The following NFATC3 variants were observed in gnomAD, a reference collection of about 807,000 sequenced individuals.
NFATC3 encodes the protein nuclear factor of activated T cells 3, also known as nuclear factor of activated T-cells, cytoplasmic 3.
A neutral mutation model predicts 98.6 loss-of-function variants in NFATC3; 46 were observed. The ratio of observed to expected loss-of-function variants is 0.47; its 90% CI spans 0.37 to 0.60. The LOEUF (loss-of-function observed/expected upper bound fraction) is 0.60. Among genes scored for constraint, NFATC3 ranks in the 20% least tolerant of loss-of-function variants. The probability of loss-of-function intolerance (pLI) is 0.00; values close to 1 mark genes in which losing one functional copy is unlikely to be tolerated. For missense variants in NFATC3, 1,256 were observed against 1,295.5 expected (o/e 0.97, Z 0.47); for synonymous variants, 512 against 472.2 (o/e 1.08, Z -1.09).
intron 3 of NFATC3, among the ~76,000 whole-genome samples, chr16:68,141,768 T>C (rs371805830): frequency 6.6e-6 from 1 of 152,186 alleles, no homozygotes; most frequent in Admixed American, 6.5e-5. Context: ...GTTGTCTGTT[T>C]ATTGCGATGA....
intron 9 of NFATC3, among the ~76,000 whole-genome samples, chr16:68,220,572 A>G (rs1384699581): frequency 6.6e-6 from 1 of 151,248 alleles, no homozygotes; most frequent in African/African-American, 2.4e-5. Context: ...TCACATACTT[A>G]GTGGACTAGA....
chr16:68,167,378 G>A (rs1037006869), intron 5 of NFATC3, among the ~76,000 whole-genome samples: 4 of 152,210 alleles, frequency 2.6e-5, no homozygotes, highest in African/African-American at 9.6e-5. Context: ...TCATTAAAAT[G>A]TCAGCCTTCA....
chr16:68,126,602 G>A lies in NFATC3; in HGVS notation c.1393G>A (p.Val465Ile), dbSNP rs757513479. The change falls in exon 3 of 10, where the codon GTT becomes ATT. Residue 465 changes from valine to isoleucine, a missense_variant. Val to Ile is a conservative substitution (Grantham distance 29, BLOSUM62 3). Transcript: ENST00000346183. The part of the protein sequence containing the change: ...AVKASTGGHP[V>I]VKLLGYNEKP... ...AAAAGCATCTACTGGGGGACATCCTGTTGTGAAGGTATGAGACTTTTGGGG... is the reference window on the plus strand; with the variant it reads ...AAAAGCATCTACTGGGGGACATCCTATTGTGAAGGTATGAGACTTTTGGGG... 31 of 1,614,108 alleles carry A rather than the reference G, an allele frequency of 1.9e-5. No individual in the cohort carries two copies. The highest frequency in any genetic ancestry group is 2.6e-5 in the Non-Finnish European group (31 of 1,179,974).
At position 68,174,529 on chromosome 16, in the gene NFATC3, A is replaced by G; in HGVS notation, c.1915+15A>G. On this transcript the variant is annotated intron_variant, in intron 6 of 9. Coordinates refer to ENST00000346183, the MANE Select transcript of NFATC3 (RefSeq NM_173165.3). Reference sequence around the variant, plus strand: ...AAAAGGACAAGGTAAGTAATATATGAGTTGATTGACTTCAAACTAAGGGGC... The same window carrying G: ...AAAAGGACAAGGTAAGTAATATATGGGTTGATTGACTTCAAACTAAGGGGC... 1 of 1,551,464 alleles carries G rather than the reference A, an allele frequency of 6.4e-7. No individual in the cohort carries two copies. The highest frequency in any genetic ancestry group is 2.0e-5 in the Admixed American group (1 of 50,260).
At chr16:68,220,629 C>T (rs77720783) in intron 9 of NFATC3, among the ~76,000 whole-genome samples, 21 of 148,324 alleles carry the variant, frequency 1.4e-4, no homozygotes, top group African/African-American at 5.0e-4. Context: ...TTGTCCCGGC[C>T]GGGCAGGGTG....
chr16:68,100,590 A>G (rs2035290679), intron 1 of NFATC3, among the ~76,000 whole-genome samples: 1 of 151,708 alleles, frequency 6.6e-6, no homozygotes, highest in South Asian at 2.1e-4. Flanking sequence ...AAAACAAAAC[A>G]AACAAAAAAA....
At chr16:68,198,507 G>C (rs905512212) in intron 9 of NFATC3, among the ~76,000 whole-genome samples, 2 of 152,154 alleles carry the variant, frequency 1.3e-5, no homozygotes, top group Non-Finnish European at 1.5e-5. Context: ...CAAGTTTCTA[G>C]TCAGTGTGTT....
rs1020440952 is a variant in NFATC3 at position 68,199,298 on chromosome 16, A to T, written c.3106+7523A>T. 5.5e-5 allele frequency among the ~76,000 whole-genome samples: 8 copies of T among 144,746 alleles called. No homozygotes were observed. In the Admixed American group the frequency reaches 5.6e-4, roughly 10 times the overall value. 95.0% of individuals were successfully genotyped at this position (144,746 alleles called of 152,430 possible). ...GAGTGCAGTGGCGCGATCTTGGCTC[A>T]CTGCAAGCTCCGCCTCCCGGGTTCA... On this transcript the variant is annotated intron_variant, in intron 9 of 9. Transcript: ENST00000346183.
At chr16:68,225,167 G>C (rs1188597401) in intron 9 of NFATC3, 1 of 151,958 alleles carries the variant, frequency 6.6e-6, no homozygotes, top group Non-Finnish European at 1.5e-5. Flanking sequence ...GGTCAGGCTG[G>C]TCTCAAACTC....
At chr16:68,105,385 G>C (rs1361854478) in intron 1 of NFATC3, among the ~76,000 whole-genome samples, 1 of 152,040 alleles carries the variant, frequency 6.6e-6, no homozygotes, top group Admixed American at 6.6e-5. Flanking sequence ...CCCGGCCCCT[G>C]ATTGTGTGGA....
chr16:68,169,786 C>G (rs971989950), intron 5 of NFATC3, among the ~76,000 whole-genome samples: 2 of 151,878 alleles, frequency 1.3e-5, no homozygotes, highest in Non-Finnish European at 2.9e-5. Flanking sequence ...GCGAAAAATA[C>G]AAAAATTAGC....
intron 1 of NFATC3, among the ~76,000 whole-genome samples, chr16:68,106,447 A>T (rs775035670): frequency 6.0e-4 from 91 of 151,812 alleles, no homozygotes; most frequent in Non-Finnish European, 1.1e-3. Context: ...GTGCACCATC[A>T]CGCCTGGCTA....
At chr16:68,202,564 C>G (rs2040970223) in intron 9 of NFATC3, among the ~76,000 whole-genome samples, 1 of 152,158 alleles carries the variant, frequency 6.6e-6, no homozygotes, top group East Asian at 1.9e-4. Flanking sequence ...GTAATCCCAG[C>G]ACTTTGGGAG....
At chr16:68,176,358 T>C (rs2039705588) in intron 6 of NFATC3, among the ~76,000 whole-genome samples, 1 of 152,132 alleles carries the variant, frequency 6.6e-6, no homozygotes, top group African/African-American at 2.4e-5. Flanking sequence ...ATCTTTTTTT[T>C]TTTTTTCTGT....
chr16:68,179,108 T>C (rs1410976314), intron 6 of NFATC3, among the ~76,000 whole-genome samples: 1 of 152,166 alleles, frequency 6.6e-6, no homozygotes, highest in Non-Finnish European at 1.5e-5. Context: ...CTCTTCTGTC[T>C]ATAATTACCC....
chr16:68,212,586 C>G (rs1443455104), intron 9 of NFATC3: 7 of 152,042 alleles, frequency 4.6e-5, no homozygotes, highest in Non-Finnish European at 1.0e-4. Context: ...CAAAACTGAC[C>G]AGTGGTGACT....
At chr16:68,194,427 C>T (rs1265845093) in intron 9 of NFATC3, among the ~76,000 whole-genome samples, 9 of 152,210 alleles carry the variant, frequency 5.9e-5, no homozygotes, top group African/African-American at 2.4e-5. Context: ...TCTCTGTGCA[C>T]AGCTGGCATA....
chr16:68,212,481 G>C (rs958505751), intron 9 of NFATC3: 1 of 152,076 alleles, frequency 6.6e-6, no homozygotes, highest in Non-Finnish European at 1.5e-5. Context: ...AAAAAGATGA[G>C]AGTTGTTGTT....
In NFATC3 at chr16:68,166,930, A is replaced by G. The variant is rs546389695; in HGVS notation, c.1689A>G (p.Arg563=). The G allele has an allele frequency of 1.1e-5, 18 of 1,614,190 alleles. No homozygotes were observed. The highest frequency in any genetic ancestry group is 1.5e-5 in the Non-Finnish European group (18 of 1,180,014). ...GETDIGRKNT[R]VRLVFRVHIP... ...CTGATATTGGCAGAAAGAATACTAG[A>G]GTACGACTTGTGTTTCGTGTACACA... is the stretch of plus-strand genomic sequence containing the variant. Residue 563 remains arginine, a synonymous_variant, in exon 5 of 10, where the codon AGA becomes AGG. Transcript: ENST00000346183.
Sources: allele counts gnomAD v4.1 joint callset (sites outside exome capture counted in the v4.1 genomes callset), GRCh38; gene constraint gnomAD v4.1.1; transcripts MANE v1.5; gene names NCBI Gene and HGNC (gene_info 2026-07-23, HGNC 2026-07-21).